Variants in SH3PXD2B observed in about 807,000 individuals in gnomAD.
SH3PXD2B encodes SH3 and PX domain-containing protein 2B.
Under a neutral mutation model 73.1 loss-of-function variants are expected in SH3PXD2B, and 37 were observed. The observed-to-expected ratio is 0.51, with a 90% CI of 0.39 to 0.67. The LOEUF (loss-of-function observed/expected upper bound fraction) is 0.67. Ranked by LOEUF, SH3PXD2B falls within the 30% of genes least tolerant of loss-of-function variation. The pLI is 0.00. For missense variants in SH3PXD2B, 1,053 were observed against 1,197.8 expected (o/e 0.88, Z 1.78); for synonymous variants, 457 against 480.5 (o/e 0.95, Z 0.64).
chr5:172,451,406 C>T (rs1465048427), intron 1 of SH3PXD2B, among the ~76,000 whole-genome samples: 1 of 152,106 alleles, frequency 6.6e-6, no homozygotes, highest in Non-Finnish European at 1.5e-5. Flanking sequence ...ATGCAGCAAT[C>T]AATGCCTGGA....
At chr5:172,347,149 C>T (rs1249479817) in intron 11 of SH3PXD2B, 134 bp downstream of exon 11, 3 of 891,132 alleles carry the variant, frequency 3.4e-6, no homozygotes, top group Non-Finnish European at 5.4e-6. Context: ...ATTTCTACAG[C>T]CTGCTTCACA....
intron 3 of SH3PXD2B, among the ~76,000 whole-genome samples, chr5:172,402,464 A>G (rs1359553255): frequency 6.6e-6 from 1 of 151,032 alleles, no homozygotes; most frequent in Admixed American, 6.6e-5. Flanking sequence ...CTATTCGTAC[A>G]CTCCCTCCCC....
At chr5:172,392,753 C>A (rs1758219405) in intron 4 of SH3PXD2B, among the ~76,000 whole-genome samples, 1 of 152,184 alleles carries the variant, frequency 6.6e-6, no homozygotes, top group African/African-American at 2.4e-5. Flanking sequence ...CCACGGCACT[C>A]CAGCCTGGGC....
chr5:172,326,857 ATTT>A (rs1175095358), intron 12 of SH3PXD2B, among the ~76,000 whole-genome samples: 1 of 135,612 alleles, frequency 7.4e-6, no homozygotes, highest in Admixed American at 7.5e-5. Context: ...ATGTCTCAAG[ATTT>A]TTTTTTTTTT....
chr5:172,337,840 G>A lies in SH3PXD2B; in HGVS notation c.*529C>T, dbSNP rs1454920839. ...GAAGGGGACACTTTCCCTGGAACTG[G>A]TAATGGAATGCATTTCTTCAGGATG... On this transcript the variant is annotated 3_prime_UTR_variant, in exon 13 of 13. Coordinates refer to ENST00000311601, the MANE Select transcript of SH3PXD2B (RefSeq NM_001017995.3). 1.9e-5 allele frequency: 19 copies of A among 1,002,874 alleles called. No homozygotes were observed. The highest frequency in any genetic ancestry group is 2.3e-5 in the Non-Finnish European group (19 of 839,862). The allele number at this position is 1,002,874 out of a possible 1,614,324, so 62.1% of individuals were successfully genotyped here. A position where few individuals can be genotyped will look rare whatever the true frequency, so the allele number is the denominator to read the frequency against.
At chr5:172,386,296 C>A (rs1758058957) in intron 4 of SH3PXD2B, among the ~76,000 whole-genome samples, 1 of 152,096 alleles carries the variant, frequency 6.6e-6, no homozygotes, top group Non-Finnish European at 1.5e-5. Context: ...ACTGGATAAC[C>A]CTGTTGGCTC....
At chr5:172,415,998 A>G (rs1346338726) in intron 2 of SH3PXD2B, among the ~76,000 whole-genome samples, 1 of 152,216 alleles carries the variant, frequency 6.6e-6, no homozygotes, top group Non-Finnish European at 1.5e-5. Flanking sequence ...AAGGTAAGCA[A>G]GTCAGGAAAC....
In SH3PXD2B at chr5:172,335,606, G is replaced by C. The variant is rs1161590788; in HGVS notation, c.*2763C>G. 1 of 1,231,710 alleles carries C rather than the reference G, an allele frequency of 8.1e-7. No homozygotes were observed. Among genetic ancestry groups the C allele is most frequent in the African/African-American group, 1.6e-5 (1 of 64,412 alleles). 76.3% of individuals were successfully genotyped at this position (1,231,710 alleles called of 1,614,324 possible). Reference sequence around the variant, plus strand: ...GTGTTTAGGCACTGGTCACCAGCCCGGTGCTTGGCACCATTGTCACGATGG... The same window carrying C: ...GTGTTTAGGCACTGGTCACCAGCCCCGTGCTTGGCACCATTGTCACGATGG... On this transcript the variant is annotated 3_prime_UTR_variant, in exon 13 of 13. Transcript: ENST00000311601.
In SH3PXD2B at chr5:172,421,149, C is replaced by T. The variant is rs1405535003; in HGVS notation, c.156+1267G>A. On this transcript the variant is annotated intron_variant, in intron 2 of 12. Coordinates refer to ENST00000311601, the MANE Select transcript of SH3PXD2B (RefSeq NM_001017995.3). The surrounding 1 kb of genome is among the most constrained non-coding windows in gnomAD (Gnocchi z 4.0). ...CCCTTACCAGGAGGCTGGGAGAAGA[C>T]ACATGTTCAGAAAGCCGGGCAAGTT... Among the ~76,000 whole-genome samples, 3 of 152,150 alleles carry T rather than the reference C, an allele frequency of 2.0e-5. No homozygotes were observed. Among genetic ancestry groups the T allele is most frequent in the African/African-American group, 7.2e-5 (3 of 41,434 alleles).
At position 172,337,244 on chromosome 5, in the gene SH3PXD2B, C is replaced by T. The variant is rs886060416; in HGVS notation, c.*1125G>A. 3.0e-6 allele frequency: 3 copies of T among 985,318 alleles called. No individual in the cohort carries two copies. The highest frequency in any genetic ancestry group is 6.1e-5 in the Admixed American group (1 of 16,272). The allele number at this position is 985,318 out of a possible 1,614,324, so 61.0% of individuals were successfully genotyped here. A position where few individuals can be genotyped will look rare whatever the true frequency, so the allele number is the denominator to read the frequency against. On this transcript the variant is annotated 3_prime_UTR_variant, in exon 13 of 13. Coordinates refer to ENST00000311601, the MANE Select transcript of SH3PXD2B (RefSeq NM_001017995.3). Reference sequence around the variant, plus strand: ...GGGAGCAGCCACGAATGCCCCCTCACCCCCCTCACAATGAAGCCACTTGGC... The same window carrying T: ...GGGAGCAGCCACGAATGCCCCCTCATCCCCCTCACAATGAAGCCACTTGGC...
Position 172,346,079 on chromosome 5 carries a change from A to T in SH3PXD2B, c.1188+57T>A. 5 of 1,612,316 alleles carry T rather than the reference A, an allele frequency of 3.1e-6. No homozygotes were observed. The South Asian group carries it at 4.4e-5, about 14-fold the overall frequency. ...TAGGAGGTGACAGGGGAGAAGTAGG[A>T]GGTGATGCCTGGAATCAGGAATCAC... On this transcript the variant is annotated intron_variant, in intron 12 of 12. Coordinates refer to ENST00000311601, the MANE Select transcript of SH3PXD2B (RefSeq NM_001017995.3).
At chr5:172,368,688 ATATATATAAAATATATATATAT>A (rs1757624225) in intron 6 of SH3PXD2B, among the ~76,000 whole-genome samples, 2 of 65,912 alleles carry the variant, frequency 3.0e-5, no homozygotes, top group Non-Finnish European at 4.9e-5. Context: ...TATATATGTT[ATATATATAAAATATATATATAT>A]TATATATATA....
At position 172,339,389 on chromosome 5, in the gene SH3PXD2B, G is replaced by A. The variant is rs1383822053; in HGVS notation, c.1716C>T (p.Ala572=). Residue 572 remains alanine, a synonymous_variant, in exon 13 of 13, where the codon GCC becomes GCT. Coordinates refer to ENST00000311601, the MANE Select transcript of SH3PXD2B (RefSeq NM_001017995.3). This position sits in a 1 kb window ranked among gnomAD's most constrained non-coding sequence, Gnocchi z 6.1. ...PMMPAKHIPP[A]RDSRRPEPKP... is the part of the protein sequence containing the mutation. ...TGGGCTCTGGCCTCCTGCTGTCCCG[G>A]GCTGGAGGGATGTGTTTGGCTGGCA... The A allele has an allele frequency of 6.2e-7, 1 of 1,614,194 alleles. No homozygotes were observed. The highest frequency in any genetic ancestry group is 8.5e-7 in the Non-Finnish European group (1 of 1,180,032).
intron 1 of SH3PXD2B, among the ~76,000 whole-genome samples, chr5:172,449,400 G>A (rs1305056329): frequency 2.0e-5 from 3 of 152,132 alleles, no homozygotes; most frequent in Non-Finnish European, 4.4e-5. Context: ...CAATTCCCAC[G>A]CAGCCACTCC....
chr5:172,424,811 A>G (rs1759059022), intron 1 of SH3PXD2B, among the ~76,000 whole-genome samples: 1 of 152,206 alleles, frequency 6.6e-6, no homozygotes, highest in Non-Finnish European at 1.5e-5. Context: ...TCAAGCATAC[A>G]GAGTTGTGAT....
At chr5:172,381,790 G>A in intron 5 of SH3PXD2B, among the ~76,000 whole-genome samples, 1 of 152,236 alleles carries the variant, frequency 6.6e-6, no homozygotes, top group Non-Finnish European at 1.5e-5. Context: ...ACCTCGATAA[G>A]TGCTGTGGGC....
intron 1 of SH3PXD2B, among the ~76,000 whole-genome samples, chr5:172,439,954 C>T (rs570473549): frequency 2.0e-5 from 3 of 152,260 alleles, no homozygotes; most frequent in East Asian, 1.9e-4. Flanking sequence ...CCCGAGGCGG[C>T]GTGGGGAACT....
At chr5:172,379,940 G>A (rs1179556227) in intron 5 of SH3PXD2B, among the ~76,000 whole-genome samples, 2 of 152,138 alleles carry the variant, frequency 1.3e-5, no homozygotes, top group Non-Finnish European at 1.5e-5. Flanking sequence ...GCTGACCTGG[G>A]GAAAATTCAC....
chr5:172,348,667 CTATCTAT>C (rs1230618369), intron 10 of SH3PXD2B, among the ~76,000 whole-genome samples: 7 of 26,278 alleles, frequency 2.7e-4, no homozygotes, highest in African/African-American at 7.8e-4. Context: ...ATCTATCTAT[CTATCTAT>C]CTATCTATCT....
Sources: gnomAD v4.1 joint callset for allele counts (sites outside exome capture counted in the v4.1 genomes callset) on GRCh38, gnomAD v4.1.1 for gene constraint, Gnocchi (gnomAD v3.1) non-coding constraint, MANE v1.5 for transcripts, NCBI Gene and HGNC (gene_info 2026-07-23, HGNC 2026-07-21) for gene names.